Variants in CHST15 observed in about 807,000 individuals in gnomAD.
CHST15 encodes the protein carbohydrate sulfotransferase 15, also known as B cell RAG associated protein (GALNAC4S-6ST).
A neutral mutation model predicts 53.6 loss-of-function variants in CHST15; 30 were observed. That is an observed-to-expected ratio of 0.56 (90% CI 0.42 to 0.76). CHST15 has a LOEUF of 0.76. Among genes scored for constraint, CHST15 ranks in the 30% least tolerant of loss-of-function variants. The pLI is 0.00. For missense variants in CHST15, 627 were observed against 740.5 expected (o/e 0.85, Z 1.78); for synonymous variants, 296 against 289.8 (o/e 1.02, Z -0.22).
intron 1 of CHST15, among the ~76,000 whole-genome samples, chr10:124,064,930 A>G (rs1363817948): frequency 6.6e-6 from 1 of 152,110 alleles, no homozygotes; most frequent in Non-Finnish European, 1.5e-5. Flanking sequence ...ACCAGCTGAC[A>G]GTCCTATCAG....
At position 124,029,720 on chromosome 10, in the gene CHST15, G is replaced by A. The variant is rs148006259; in HGVS notation, c.1191-8308C>T. Among the ~76,000 whole-genome samples the A allele has an allele frequency of 2.2e-3, 342 of 152,350 alleles. 2 individuals carry two copies. Among genetic ancestry groups the A allele is most frequent in the African/African-American group, 7.6e-3 (317 of 41,584 alleles). ...GCTACCCCTGGTTATAAAGCCAGGC[G>A]CAGGGTGTGGGCCCCTCACTGCAGG... On this transcript the variant is annotated intron_variant, in intron 5 of 7. Coordinates refer to ENST00000435907, the MANE Select transcript of CHST15 (RefSeq NM_001270764.2).
chr10:124,072,865 G>A (rs1948962712), intron 1 of CHST15, among the ~76,000 whole-genome samples: 1 of 152,156 alleles, frequency 6.6e-6, no homozygotes, highest in South Asian at 2.1e-4. Flanking sequence ...CTCTTCCAGT[G>A]CACCCATTCA....
intron 1 of CHST15, among the ~76,000 whole-genome samples, chr10:124,061,446 TC>T (rs1168976660): frequency 6.6e-6 from 1 of 152,190 alleles, no homozygotes; most frequent in East Asian, 1.9e-4. Flanking sequence ...TTCTGGGTCC[TC>T]CCCAGCCAGG....
intron 7 of CHST15, 99 bp from the exon 8 acceptor site, chr10:124,010,438 G>A: frequency 7.0e-7 from 1 of 1,437,170 alleles, no homozygotes; most frequent in Middle Eastern, 2.3e-4. Context: ...TCAGACAGGA[G>A]TTTCCTTTAA....
Position 124,019,868 on chromosome 10 carries a change from C to T in CHST15, c.1347+1388G>A. The T allele has an allele frequency of 1.0e-6, 1 of 986,030 alleles. No homozygotes were observed. Among genetic ancestry groups the T allele is most frequent in the Non-Finnish European group, 1.2e-6 (1 of 830,382 alleles). 61.1% of individuals were successfully genotyped at this position (986,030 alleles called of 1,614,324 possible). On this transcript the variant is annotated intron_variant, in intron 6 of 7. Coordinates refer to ENST00000435907, the MANE Select transcript of CHST15 (RefSeq NM_001270764.2). The surrounding 1 kb of genome is among the most constrained non-coding windows in gnomAD (Gnocchi z 4.6). ...CCCTGCCTCAGTGCCCCCCATCTCC[C>T]ACACCAGGCGGCTGGCTGCGTTCTG...
intron 1 of CHST15, among the ~76,000 whole-genome samples, chr10:124,063,919 T>G (rs905518433): frequency 2.6e-5 from 4 of 152,214 alleles, no homozygotes; most frequent in African/African-American, 9.6e-5. Context: ...ACAGCTGAGC[T>G]TCCAGCGTTG....
chr10:124,060,986 CTCTT>C (rs1166772644), intron 1 of CHST15, among the ~76,000 whole-genome samples: 2 of 152,168 alleles, frequency 1.3e-5, no homozygotes, highest in African/African-American at 4.8e-5. Context: ...TTCCTCTCAT[CTCTT>C]TCTGACTTTT....
At chr10:124,020,379 G>A in intron 6 of CHST15, 1 of 985,510 alleles carries the variant, frequency 1.0e-6, no homozygotes, top group South Asian at 4.7e-5. Flanking sequence ...GGGGTTACCT[G>A]TGTCCCTGTG....
At position 124,008,002 on chromosome 10, in the gene CHST15, G is replaced by C. The variant is rs769696125; in HGVS notation, c.*2147C>G. 144 of 1,231,974 alleles carry C rather than the reference G, an allele frequency of 1.2e-4. No individual in the cohort carries two copies. Among genetic ancestry groups the C allele is most frequent in the Non-Finnish European group, 1.4e-4 (138 of 987,980 alleles). The allele number at this position is 1,231,974 out of a possible 1,614,324, so 76.3% of individuals were successfully genotyped here. A position where few individuals can be genotyped will look rare whatever the true frequency, so the allele number is the denominator to read the frequency against. ...CCCTCTGGAGAGAAAGGCCCCTGGA[G>C]GGAAAAACCATGTCTGGATGGCATT... is the stretch of plus-strand genomic sequence containing the variant. On this transcript the variant is annotated 3_prime_UTR_variant, in exon 8 of 8. Coordinates refer to ENST00000435907, the MANE Select transcript of CHST15 (RefSeq NM_001270764.2).
intron 6 of CHST15, chr10:124,020,509 T>C (rs1311119463): frequency 3.0e-6 from 3 of 985,440 alleles, no homozygotes; most frequent in Non-Finnish European, 3.6e-6. Context: ...GCAGAGCCTC[T>C]TGGCCTGAAG....
intron 1 of CHST15, among the ~76,000 whole-genome samples, chr10:124,061,220 T>C (rs1948561143): frequency 6.6e-6 from 1 of 152,118 alleles, no homozygotes; most frequent in South Asian, 2.1e-4. Context: ...CCCACCCAAA[T>C]CTCAACTTGA....
intron 4 of CHST15, among the ~76,000 whole-genome samples, chr10:124,039,618 T>A (rs983133347): frequency 4.5e-4 from 68 of 152,244 alleles, no homozygotes; most frequent in African/African-American, 1.6e-3. Context: ...CATTTCATCA[T>A]GGTCCTCACG....
At position 124,007,748 on chromosome 10, in the gene CHST15, G is replaced by A. The variant is rs1354290298; in HGVS notation, c.*2401C>T. ...TTAATTATGTTAAATATTAATAAAA[G>A]TACAGCGTAACTGCGATTCACTTAA... On this transcript the variant is annotated 3_prime_UTR_variant, in exon 8 of 8. Coordinates refer to ENST00000435907, the MANE Select transcript of CHST15 (RefSeq NM_001270764.2). 3.3e-6 allele frequency: 4 copies of A among 1,230,388 alleles called. No individual in the cohort carries two copies. Among genetic ancestry groups the A allele is most frequent in the Non-Finnish European group, 4.1e-6 (4 of 987,446 alleles). The allele number at this position is 1,230,388 out of a possible 1,614,324, so 76.2% of individuals were successfully genotyped here.
intron 1 of CHST15, among the ~76,000 whole-genome samples, chr10:124,056,712 C>T (rs908139530): frequency 3.9e-5 from 6 of 152,264 alleles, no homozygotes; most frequent in African/African-American, 1.4e-4. Context: ...CTATTTTGTC[C>T]CCGCACATCA....
chr10:124,019,750 C>T lies in CHST15; in HGVS notation c.1347+1506G>A, dbSNP rs1033038371. ...TCCTACACTATCTTCTGCTTAAAAC[C>T]CTCTGAGGGGTCCCATCTCTCTCAG... On this transcript the variant is annotated intron_variant, in intron 6 of 7. Transcript: ENST00000435907. The surrounding 1 kb of genome is among the most constrained non-coding windows in gnomAD (Gnocchi z 4.6). 18 of 981,996 alleles carry T rather than the reference C, an allele frequency of 1.8e-5. No homozygotes were observed. Among genetic ancestry groups the T allele is most frequent in the Non-Finnish European group, 2.2e-5 (18 of 826,836 alleles). 60.8% of individuals were successfully genotyped at this position (981,996 alleles called of 1,614,324 possible).
intron 1 of CHST15, among the ~76,000 whole-genome samples, chr10:124,067,102 C>G (rs1379149584): frequency 6.6e-6 from 1 of 152,256 alleles, no homozygotes; most frequent in Non-Finnish European, 1.5e-5. Flanking sequence ...ACATCCTGCA[C>G]TTAGTGCTGG....
chr10:124,042,341 G>C lies in CHST15; in HGVS notation c.993C>G (p.Ser331Arg). 1 of 1,614,142 alleles carries C rather than the reference G, an allele frequency of 6.2e-7. No homozygotes were observed. Among genetic ancestry groups the C allele is most frequent in the Non-Finnish European group, 8.5e-7 (1 of 1,179,954 alleles). ...TCATCTTGCTCTGCTCCTTTGCAGA[G>C]CTGGCCTGCAGTCCTTGATGGATCT... ...AHQIHQGLQA[S>R]SAKEQSKMNT... Residue 331 changes from serine to arginine, a missense_variant, in exon 4 of 8, where the codon AGC becomes AGG. This residue lies in a region of CHST15 where 279 missense variants were observed against 371.6 expected (regional missense o/e 0.75). Transcript: ENST00000435907.
At chr10:124,058,428 G>A (rs893417174) in intron 1 of CHST15, among the ~76,000 whole-genome samples, 3 of 152,232 alleles carry the variant, frequency 2.0e-5, no homozygotes, top group African/African-American at 7.2e-5. Context: ...ATGGGAAACT[G>A]AGGCACAGCA....
At chr10:124,065,607 C>A (rs1948729847) in intron 1 of CHST15, among the ~76,000 whole-genome samples, 1 of 152,146 alleles carries the variant, frequency 6.6e-6, no homozygotes, top group African/African-American at 2.4e-5. Context: ...CCCCGCCAGT[C>A]CTGCTGGGAG....
Sources: allele counts gnomAD v4.1 joint callset (sites outside exome capture counted in the v4.1 genomes callset), GRCh38; gene constraint gnomAD v4.1.1; regional missense constraint gnomAD v4.1.1; non-coding constraint Gnocchi (gnomAD v3.1); transcripts MANE v1.5; gene names NCBI Gene and HGNC (gene_info 2026-07-23, HGNC 2026-07-21).